The following C1orf185 variants were observed in gnomAD, a reference collection of about 807,000 sequenced individuals.
C1orf185 encodes uncharacterized protein C1orf185.
In C1orf185, 13 loss-of-function variants were observed where a neutral mutation model predicts 16.1. The observed-to-expected ratio is 0.81, with a 90% confidence interval of 0.53 to 1.28. The LOEUF (loss-of-function observed/expected upper bound fraction) is 1.28. Ranked by LOEUF, C1orf185 falls within the 50% of genes most tolerant of loss-of-function variation. The pLI is 0.00. For synonymous variants in C1orf185, 80 were observed against 76.9 expected (o/e 1.04, Z -0.21); for missense variants, 220 against 225.2 (o/e 0.98, Z 0.15).
At chr1:51,103,724 A>G (rs1300989561) in intron 1 of C1orf185, among the ~76,000 whole-genome samples, 3 of 152,022 alleles carry the variant, frequency 2.0e-5, no homozygotes, top group African/African-American at 7.2e-5. Flanking sequence ...TAGTAGAGAC[A>G]GGGTTTCAAC....
chr1:51,134,208 A>G (rs995514592), intron 3 of C1orf185, among the ~76,000 whole-genome samples: 2 of 152,226 alleles, frequency 1.3e-5, no homozygotes, highest in Non-Finnish European at 2.9e-5. Flanking sequence ...ATATAATTAC[A>G]TGGAAATTAA....
chr1:51,149,102 G>T (rs1404258647), downstream of C1orf185, among the ~76,000 whole-genome samples: 1 of 152,002 alleles, frequency 6.6e-6, no homozygotes, highest in Non-Finnish European at 1.5e-5. Flanking sequence ...TCTATTTACA[G>T]TTCTGAGGGA....
chr1:51,116,594 G>A lies in C1orf185; in HGVS notation c.123-2072G>A, dbSNP rs140873407. On this transcript the variant is annotated intron_variant, in intron 2 of 4. Transcript: ENST00000371759. Reference sequence around the variant, plus strand: ...CTCCCAAAGTGCTGGGATTACAAGCGTGAACCACTGCGCCCAGCCCAAACT... The same window carrying A: ...CTCCCAAAGTGCTGGGATTACAAGCATGAACCACTGCGCCCAGCCCAAACT... 1.3e-4 allele frequency among the ~76,000 whole-genome samples: 20 copies of A among 152,148 alleles called. 1 individual carries two copies. The East Asian group carries it at 3.9e-3, about 29-fold the overall frequency.
intron 1 of C1orf185, among the ~76,000 whole-genome samples, chr1:51,103,242 C>A (rs116580398): frequency 6.6e-6 from 1 of 151,584 alleles, no homozygotes; most frequent in African/African-American, 2.4e-5. Context: ...TCCATCTCTA[C>A]AAAAAATTTA....
intron 3 of C1orf185, among the ~76,000 whole-genome samples, chr1:51,139,679 CT>C (rs1646350692): frequency 2.0e-5 from 3 of 152,100 alleles, no homozygotes. Context: ...ATGGTGCCCC[CT>C]AGAGTTGCTA....
At position 51,118,635 on chromosome 1, in the gene C1orf185, T is replaced by G. The variant is rs370855035; in HGVS notation, c.123-31T>G. 12 of 1,228,758 alleles carry G rather than the reference T, an allele frequency of 9.8e-6. No homozygotes were observed. In the African/African-American group the frequency reaches 1.1e-4, roughly 11 times the overall value. The allele number at this position is 1,228,758 out of a possible 1,614,324, so 76.1% of individuals were successfully genotyped here. On this transcript the variant is annotated intron_variant, in intron 2 of 4. Coordinates refer to ENST00000371759, the MANE Select transcript of C1orf185 (RefSeq NM_001136508.2). ...AATTGTTTTATAATCTAACTCAGGT[T>G]TAATAATATTCTTTATAAAATATTT...
At chr1:51,111,948 C>G (rs947384041) in intron 1 of C1orf185, among the ~76,000 whole-genome samples, 1 of 152,182 alleles carries the variant, frequency 6.6e-6, no homozygotes, top group African/African-American at 2.4e-5. Flanking sequence ...AGGCATGAGC[C>G]GCCACGCCCA....
intron 3 of C1orf185, among the ~76,000 whole-genome samples, chr1:51,128,564 T>C (rs1179639592): frequency 2.6e-5 from 4 of 151,888 alleles, no homozygotes; most frequent in Non-Finnish European, 1.5e-5. Context: ...GTGGTGGTGC[T>C]TGCCTGTAAT....
chr1:51,109,894 C>T (rs560191659), intron 1 of C1orf185, among the ~76,000 whole-genome samples: 2 of 152,148 alleles, frequency 1.3e-5, no homozygotes, highest in South Asian at 4.2e-4. Context: ...GTTTCATACA[C>T]ATTTTAGAAT....
Position 51,102,242 on chromosome 1 carries a change from A to C in C1orf185, c.9A>C (p.Ser3=). The change falls in exon 1 of 5, where the codon TCA becomes TCC. Residue 3 remains serine (S), a synonymous_variant. Coordinates refer to ENST00000371759, the MANE Select transcript of C1orf185 (RefSeq NM_001136508.2). ...GGTTAGAACTCAGTCATATGGCTTC[A>C]CCTAAAGGTATGAGAAGCTGGGTCA... MA[S]PKGFFNYLTY... is the part of the protein sequence containing the mutation. 1 of 716,120 alleles carries C rather than the reference A, an allele frequency of 1.4e-6. No individual in the cohort carries two copies. Among genetic ancestry groups the C allele is most frequent in the Non-Finnish European group, 2.6e-6 (1 of 383,652 alleles). 44.4% of individuals were successfully genotyped at this position (716,120 alleles called of 1,614,324 possible). A position where few individuals can be genotyped will look rare whatever the true frequency, so the allele number is the denominator to read the frequency against.
At chr1:51,112,816 C>CT (rs202031236) in intron 2 of C1orf185, among the ~76,000 whole-genome samples, 13,182 of 142,696 alleles carry the variant, frequency 0.092, 1,768 homozygotes, top group African/African-American at 0.29. Context: ...ACTTTCTTTT[C>CT]TTTTTTTTTT....
intron 3 of C1orf185, among the ~76,000 whole-genome samples, chr1:51,142,260 T>A (rs117768966): frequency 6.6e-6 from 1 of 152,380 alleles, no homozygotes; most frequent in East Asian, 1.9e-4. Context: ...TTAGTTGTCA[T>A]GTCTCTTCAG....
At chr1:51,121,885 T>C (rs576654512) in intron 3 of C1orf185, among the ~76,000 whole-genome samples, 1 of 152,294 alleles carries the variant, frequency 6.6e-6, no homozygotes, top group South Asian at 2.1e-4. Context: ...CTGAGTCTTA[T>C]ATATCTGTCA....
At chr1:51,148,333 G>C (rs1047363472), downstream of C1orf185, among the ~76,000 whole-genome samples, 1 of 152,070 alleles carries the variant, frequency 6.6e-6, no homozygotes, top group Non-Finnish European at 1.5e-5. Context: ...ATGTTGGCCA[G>C]GCTAGTCTCG....
intron 2 of C1orf185, among the ~76,000 whole-genome samples, chr1:51,113,561 T>G (rs1646138363): frequency 6.6e-6 from 1 of 151,990 alleles, no homozygotes; most frequent in Non-Finnish European, 1.5e-5. Flanking sequence ...GGCACACACC[T>G]GTAGTCCCAG....
At chr1:51,113,581 A>G (rs751392450) in intron 2 of C1orf185, among the ~76,000 whole-genome samples, 9 of 152,088 alleles carry the variant, frequency 5.9e-5, no homozygotes, top group Non-Finnish European at 1.2e-4. Context: ...GCTGCTCGGG[A>G]GGCTAAGACA....
Position 51,116,035 on chromosome 1 carries a change from G to C in C1orf185, c.123-2631G>C, listed in dbSNP as rs112193610. On this transcript the variant is annotated intron_variant, in intron 2 of 4. Transcript: ENST00000371759. Reference sequence around the variant, plus strand: ...GATGAAAGGGAGGAGCAATTTAGGGGGCTGGTGATAAAAATGAAAGACATC... The same window carrying C: ...GATGAAAGGGAGGAGCAATTTAGGGCGCTGGTGATAAAAATGAAAGACATC... Among the ~76,000 whole-genome samples, 288 of 152,040 alleles carry C rather than the reference G, an allele frequency of 1.9e-3. 3 individuals are homozygous for C. The highest frequency in any genetic ancestry group is 6.7e-3 in the African/African-American group (276 of 41,466).
At chr1:51,142,974 G>A (rs1228622866) in intron 3 of C1orf185, among the ~76,000 whole-genome samples, 2 of 151,972 alleles carry the variant, frequency 1.3e-5, no homozygotes, top group Non-Finnish European at 2.9e-5. Flanking sequence ...ATGTTGGCCA[G>A]GCTGTTCTCA....
At chr1:51,145,529 A>G (rs1646393139) in intron 3 of C1orf185, among the ~76,000 whole-genome samples, 195 bp from the exon 4 acceptor site, 1 of 152,136 alleles carries the variant, frequency 6.6e-6, no homozygotes, top group African/African-American at 2.4e-5. Context: ...ACCAATCCAA[A>G]TTCATTTCAG....
Sources: gnomAD v4.1 joint callset for allele counts (sites outside exome capture counted in the v4.1 genomes callset) on GRCh38, gnomAD v4.1.1 for gene constraint, MANE v1.5 for transcripts, NCBI Gene and HGNC (gene_info 2026-07-23, HGNC 2026-07-21) for gene names.